Variants in POU2F2 observed in about 807,000 individuals in gnomAD.
POU2F2 encodes the protein POU domain, class 2, transcription factor 2.
Under a neutral mutation model 63.5 loss-of-function variants are expected in POU2F2, and 14 were observed. The observed-to-expected ratio is 0.22, with a 90% CI of 0.15 to 0.34. POU2F2 has a LOEUF of 0.34. Ranked by LOEUF, POU2F2 falls within the 10% of genes least tolerant of loss-of-function variation. POU2F2 has a pLI of 1.00. For synonymous variants in POU2F2, 306 were observed against 348.6 expected (o/e 0.88, Z 1.36); for missense variants, 607 against 815.2 (o/e 0.74, Z 3.11).
At chr19:42,104,624 T>A (rs1179796792) in intron 5 of POU2F2, among the ~76,000 whole-genome samples, 1 of 152,110 alleles carries the variant, frequency 6.6e-6, no homozygotes, top group Non-Finnish European at 1.5e-5. Flanking sequence ...ACAGAGGGTA[T>A]GAGGTGGTAC....
At position 42,162,677 on chromosome 19, in the gene POU2F2, T is replaced by A. The variant is rs753917346; in HGVS notation, c.-69-2285A>T. Among the ~76,000 whole-genome samples the A allele has an allele frequency of 4.6e-5, 7 of 152,156 alleles. No homozygotes were observed. Among genetic ancestry groups the A allele is most frequent in the East Asian group, 1.9e-4 (1 of 5,164 alleles). ...TATAATGGTTTGCTGTGTCCTGGGG[T>A]CAGTTTGCCATGTACATGGCAGACT... On this transcript the variant is annotated intron_variant, in intron 1 of 6. Transcript: ENST00000524801. This position sits in a 1 kb window ranked among gnomAD's most constrained non-coding sequence, Gnocchi z 4.1.
At chr19:42,165,777 CA>C (rs1406618167) in intron 1 of POU2F2, among the ~76,000 whole-genome samples, 1 of 151,878 alleles carries the variant, frequency 6.6e-6, no homozygotes, top group Non-Finnish European at 1.5e-5. Flanking sequence ...GCCTTACACA[CA>C]AAAAAGGGGC....
At chr19:42,167,901 A>G (rs1027922645) in intron 1 of POU2F2, among the ~76,000 whole-genome samples, 12 of 152,152 alleles carry the variant, frequency 7.9e-5, no homozygotes, top group African/African-American at 2.9e-4. Context: ...GTCAGGGTCA[A>G]CCTCCCCAGA....
At chr19:42,139,011 A>C (rs2034074160) in intron 2 of POU2F2, among the ~76,000 whole-genome samples, 2 of 152,160 alleles carry the variant, frequency 1.3e-5, no homozygotes, top group South Asian at 2.1e-4. Flanking sequence ...GATGTGGCTC[A>C]AAGAAGATAA....
chr19:42,159,813 T>C (rs928712371), intron 2 of POU2F2, among the ~76,000 whole-genome samples: 2 of 152,182 alleles, frequency 1.3e-5, no homozygotes, highest in Admixed American at 6.5e-5. Flanking sequence ...CTCCATGTGG[T>C]AAATGCTATT....
At chr19:42,129,110 G>C (rs2033468141) in intron 1 of POU2F2, among the ~76,000 whole-genome samples, 1 of 152,050 alleles carries the variant, frequency 6.6e-6, no homozygotes, top group Non-Finnish European at 1.5e-5. Context: ...TGGGATTACA[G>C]GCATGAGCCA....
chr19:42,121,769 C>A (rs977663415), intron 4 of POU2F2, among the ~76,000 whole-genome samples: 4 of 152,204 alleles, frequency 2.6e-5, no homozygotes, highest in South Asian at 4.1e-4. Flanking sequence ...TGGTACCAGC[C>A]CCCCCACCCC....
At position 42,171,796 on chromosome 19, in the gene POU2F2, G is replaced by A. The variant is rs75559782; in HGVS notation, c.-70+4167C>T. 9.5e-3 allele frequency among the ~76,000 whole-genome samples: 1,438 copies of A among 152,006 alleles called. 22 individuals are homozygous for A. Among genetic ancestry groups the A allele is most frequent in the African/African-American group, 0.033 (1,374 of 41,428 alleles). ...ATACTTTATAGGATCCTGAGAGTGT[G>A]GACTAAAGTAACCCCCAACCTTGTT... On this transcript the variant is annotated intron_variant, in intron 1 of 6. Transcript: ENST00000524801.
chr19:42,195,481 C>T (rs1057019786), intron 1 of POU2F2, among the ~76,000 whole-genome samples: 4 of 151,608 alleles, frequency 2.6e-5, no homozygotes, highest in South Asian at 4.2e-4. Flanking sequence ...TACAGGCGCC[C>T]GCCACCACAC....
intron 4 of POU2F2, 29 bp downstream of exon 4, chr19:42,122,097 C>T: frequency 6.3e-7 from 1 of 1,596,212 alleles, no homozygotes. Flanking sequence ...GCGCTGCCCA[C>T]TTCCCTGGCT....
At chr19:42,109,198 C>T (rs1483204188) in intron 5 of POU2F2, among the ~76,000 whole-genome samples, 2 of 152,212 alleles carry the variant, frequency 1.3e-5, no homozygotes, top group South Asian at 2.1e-4. Context: ...CAGAGCCGGC[C>T]GGCTGCAACG....
At chr19:42,116,684 C>T in intron 5 of POU2F2, 1 of 308,326 alleles carries the variant, frequency 3.2e-6, no homozygotes. Flanking sequence ...CTGCAGGGAG[C>T]CTGGTCCCCA....
At position 42,153,740 on chromosome 19, in the gene POU2F2, T is replaced by C. The variant is rs573414962; in HGVS notation, c.-9+6592A>G. Among the ~76,000 whole-genome samples the C allele has an allele frequency of 1.3e-5, 2 of 152,210 alleles. No individual in the cohort carries two copies. Among genetic ancestry groups the C allele is most frequent in the East Asian group, 1.9e-4 (1 of 5,178 alleles). ...AAGTGGGCTGGAGGCTCTGGGTGTG[T>C]CCCTGTGTGTGTCATGGTGACTTGG... is the stretch of plus-strand genomic sequence containing the variant. On this transcript the variant is annotated intron_variant, in intron 2 of 6. Transcript: ENST00000524801. The surrounding 1 kb of genome is among the most constrained non-coding windows in gnomAD (Gnocchi z 5.6).
chr19:42,168,327 T>C (rs2034692827), intron 1 of POU2F2, among the ~76,000 whole-genome samples: 1 of 152,184 alleles, frequency 6.6e-6, no homozygotes, highest in African/African-American at 2.4e-5. Flanking sequence ...AAAACTGTTT[T>C]GTGGTTATGT....
chr19:42,149,324 A>G (rs1406903561), intron 2 of POU2F2, among the ~76,000 whole-genome samples: 2 of 152,124 alleles, frequency 1.3e-5, no homozygotes, highest in Non-Finnish European at 2.9e-5. Context: ...GAGAAAGAAG[A>G]GGGGCTTAAG....
At chr19:42,108,273 T>G (rs2030460433) in intron 5 of POU2F2, among the ~76,000 whole-genome samples, 1 of 152,152 alleles carries the variant, frequency 6.6e-6, no homozygotes, top group Admixed American at 6.5e-5. Context: ...CACTAAATAT[T>G]TGCCAACTAA....
At chr19:42,120,552 T>C (rs2032488716) in intron 4 of POU2F2, among the ~76,000 whole-genome samples, 2 of 152,212 alleles carry the variant, frequency 1.3e-5, no homozygotes, top group Admixed American at 6.5e-5. Flanking sequence ...CTCTTTTTAA[T>C]AAGCCTCTTT....
Position 42,100,147 on chromosome 19 carries a change from A to T in POU2F2, c.370-326T>A, listed in dbSNP as rs887935467. On this transcript the variant is annotated intron_variant, in intron 5 of 14. Transcript: ENST00000692977. ...CGCTCTGTCGCCCAGGCTGGAGTGC[A>T]GTGGTGTGATCTCGGCTCACTGAAA... 2.5e-5 allele frequency among the ~76,000 whole-genome samples: 3 copies of T among 118,252 alleles called. No individual in the cohort carries two copies. In the Admixed American group the frequency reaches 3.6e-4, roughly 14 times the overall value. The allele number at this position is 118,252 out of a possible 152,430, so 77.6% of individuals were successfully genotyped here.
chr19:42,193,564 G>A (rs928081544), intron 1 of POU2F2, among the ~76,000 whole-genome samples: 6 of 152,182 alleles, frequency 3.9e-5, no homozygotes, highest in African/African-American at 1.4e-4. Context: ...AGGAGGGAGT[G>A]CAGTCCTGCT....
Sources: allele counts gnomAD v4.1 joint callset (sites outside exome capture counted in the v4.1 genomes callset), GRCh38; gene constraint gnomAD v4.1.1; non-coding constraint Gnocchi (gnomAD v3.1); transcripts MANE v1.5; gene names NCBI Gene and HGNC (gene_info 2026-07-23, HGNC 2026-07-21).